The following PCDHGA2 variants were observed in gnomAD, a reference collection of about 807,000 sequenced individuals.
PCDHGA2 encodes the protein protocadherin gamma subfamily A, 2.
A neutral mutation model predicts 59.2 loss-of-function variants in PCDHGA2; 40 were observed. The observed-to-expected ratio is 0.68, with a 90% CI of 0.52 to 0.88. The LOEUF (loss-of-function observed/expected upper bound fraction) is 0.88, where lower values mean the gene tolerates loss of function less well. Among genes scored for constraint, PCDHGA2 ranks in the 40% least tolerant of loss-of-function variants. The pLI, the probability that PCDHGA2 is intolerant of heterozygous loss-of-function variation, is 0.00. For synonymous variants in PCDHGA2, 560 were observed against 526.0 expected, an observed-to-expected ratio of 1.06 and a Z score of -0.89; for missense variants, 1,226 against 1,204.0, an observed-to-expected ratio of 1.02 and a Z score of -0.27.
At chr5:141,365,274 A>G (rs199512708) in intron 1 of PCDHGA2, 679 of 1,613,988 alleles carry the variant, frequency 4.2e-4, no homozygotes, top group Non-Finnish European at 5.0e-4. Context: ...TCCAGATTCT[A>G]CCTCATGGAA....
chr5:141,340,511 C>T lies in PCDHGA2; in HGVS notation c.1540C>T (p.Leu514Phe), dbSNP rs149259592. 2.8e-5 allele frequency: 45 copies of T among 1,614,254 alleles called. No homozygotes were observed. The African/African-American group carries it at 5.2e-4, about 19-fold the overall frequency. The change falls in exon 1 of 4, where the codon CTC (leucine) becomes TTC (phenylalanine). Residue 514 changes from leucine to phenylalanine, a missense_variant. Leu to Phe is a conservative substitution (Grantham distance 22). Transcript: ENST00000394576. The stretch of plus-strand genomic sequence containing the variant: ...CTCTATCAACTCCGACACTGGAGTA[C>T]TCTATGCACTGCGCTCCTTTGATTA... ...YISINSDTGV[L>F]YALRSFDYEQ...
intron 1 of PCDHGA2, chr5:141,414,845 T>C: frequency 1.2e-6 from 2 of 1,614,218 alleles, no homozygotes; most frequent in South Asian, 1.1e-5. Flanking sequence ...CTGTTTGTGC[T>C]GGACCAGAAC....
intron 1 of PCDHGA2, among the ~76,000 whole-genome samples, chr5:141,369,204 G>A (rs970193289): frequency 3.3e-5 from 5 of 152,182 alleles, no homozygotes; most frequent in Non-Finnish European, 7.4e-5. Context: ...ATGGTAAACT[G>A]GGGACCAAGG....
rs1756843083 is a variant in PCDHGA2, at chr5:141,339,488, A to T, written c.517A>T (p.Asn173Tyr). Residue 173 changes from asparagine to tyrosine, a missense_variant, in exon 1 of 4, where the codon AAC (asparagine) becomes TAC (tyrosine). Transcript: ENST00000394576. The stretch of plus-strand genomic sequence containing the variant: ...GAACGCCCTTCAGAAGTACGCACTC[A>T]ACCCAAATGACCACTTCTCCCTGGA... ...GENALQKYAL[N>Y]PNDHFSLDVR... 1 of 1,614,100 alleles carries T rather than the reference A, an allele frequency of 6.2e-7. No individual in the cohort carries two copies. Among genetic ancestry groups the T allele is most frequent in the South Asian group, 1.1e-5 (1 of 91,082 alleles).
chr5:141,489,246 G>A lies in PCDHGA2; in HGVS notation c.2425-5561G>A, dbSNP rs141115698. On this transcript the variant is annotated intron_variant, in intron 1 of 3. Coordinates refer to ENST00000394576, the MANE Select transcript of PCDHGA2 (RefSeq NM_018915.4). The surrounding 1 kb of genome is among the most constrained non-coding windows in gnomAD (Gnocchi z 4.5). Reference sequence around the variant, plus strand: ...CACAAAGGGACTTCTGGGTCATGGGGCCCAAGACACTCCCACAGCTCGCTG... The same window carrying A: ...CACAAAGGGACTTCTGGGTCATGGGACCCAAGACACTCCCACAGCTCGCTG... 750 of 1,544,746 alleles carry A rather than the reference G, an allele frequency of 4.9e-4. No homozygotes were observed. The highest frequency in any genetic ancestry group is 6.3e-4 in the Non-Finnish European group (726 of 1,145,538).
In PCDHGA2 at chr5:141,341,381, G is replaced by A; in HGVS notation, c.2410G>A (p.Glu804Lys). Reference protein sequence around the residue: ...PQSLLEEEREETFSQQAPPNT... With the variant: ...PQSLLEEEREKTFSQQAPPNT... ...ATCTCTACTCGAAGAAGAAAGAGAAGAAACGTTTTCTCAGGTAATCTATCT... is the reference window on the plus strand; with the variant it reads ...ATCTCTACTCGAAGAAGAAAGAGAAAAAACGTTTTCTCAGGTAATCTATCT... The change falls in exon 1 of 4, where the codon GAA becomes AAA. Residue 804 changes from glutamate (E) to lysine (K), a missense_variant. Glu to Lys is a moderately conservative substitution (Grantham distance 56). Transcript: ENST00000394576. 1 of 1,614,234 alleles carries A rather than the reference G, an allele frequency of 6.2e-7. No individual in the cohort carries two copies. The highest frequency in any genetic ancestry group is 8.5e-7 in the Non-Finnish European group (1 of 1,180,040).
At chr5:141,421,060 A>C (rs1394861719) in intron 1 of PCDHGA2, 3 of 579,718 alleles carry the variant, frequency 5.2e-6, no homozygotes, top group Non-Finnish European at 8.8e-6. Context: ...TACCACACAA[A>C]GCGGAATGAG....
At chr5:141,403,172 C>G (rs1230059414) in intron 1 of PCDHGA2, 13 of 1,613,900 alleles carry the variant, frequency 8.1e-6, no homozygotes, top group Non-Finnish European at 1.1e-5. Flanking sequence ...TAGGACGCAG[C>G]TTTTCTCTCT....
intron 1 of PCDHGA2, chr5:141,355,140 G>A (rs1011751215): frequency 1.3e-5 from 20 of 1,525,342 alleles, no homozygotes; most frequent in Non-Finnish European, 3.5e-6. Context: ...AAGATCCTGG[G>A]GCTCCTCAGG....
intron 1 of PCDHGA2, chr5:141,357,065 A>G: frequency 6.2e-7 from 1 of 1,613,964 alleles, no homozygotes; most frequent in Non-Finnish European, 8.5e-7. Flanking sequence ...GTGGGGCTGC[A>G]CACAGGCGAG....
chr5:141,348,629 A>G (rs1216575323), intron 1 of PCDHGA2, among the ~76,000 whole-genome samples: 1 of 152,230 alleles, frequency 6.6e-6, no homozygotes, highest in Non-Finnish European at 1.5e-5. Context: ...CTACTTGTAC[A>G]GGTAATGGAA....
At chr5:141,410,041 G>A (rs763879404) in intron 1 of PCDHGA2, 2 of 1,613,228 alleles carry the variant, frequency 1.2e-6, no homozygotes, top group East Asian at 2.2e-5. Flanking sequence ...AGGCCAGTGA[G>A]CCCGGACTCT....
chr5:141,494,468 C>G (rs2099754577), intron 1 of PCDHGA2, among the ~76,000 whole-genome samples: 1 of 152,136 alleles, frequency 6.6e-6, no homozygotes, highest in East Asian at 1.9e-4. Context: ...TGCACCTCTT[C>G]CCCCAGTTCC....
At position 141,476,851 on chromosome 5, in the gene PCDHGA2, C is replaced by T; in HGVS notation, c.2425-17956C>T. ...CGAATGACAATGCGCCTGTCTTCAA[C>T]CAGTCCTTGTACCGGGCGCGCGTCC... On this transcript the variant is annotated intron_variant, in intron 1 of 3. Transcript: ENST00000394576. This position sits in a 1 kb window ranked among gnomAD's most constrained non-coding sequence, Gnocchi z 7.6. The T allele has an allele frequency of 6.2e-7, 1 of 1,613,836 alleles. No individual in the cohort carries two copies. Among genetic ancestry groups the T allele is most frequent in the Non-Finnish European group, 8.5e-7 (1 of 1,180,046 alleles).
intron 1 of PCDHGA2, chr5:141,409,995 C>T: frequency 1.2e-6 from 2 of 1,613,308 alleles, no homozygotes; most frequent in Non-Finnish European, 1.7e-6. Context: ...GACGCCGACT[C>T]GGGACACAAC....
chr5:141,344,537 G>A (rs541708847), intron 1 of PCDHGA2: 1 of 1,614,024 alleles, frequency 6.2e-7, no homozygotes, highest in African/African-American at 1.3e-5. Flanking sequence ...ACTCCCTGCA[G>A]AACTACAAGC....
intron 1 of PCDHGA2, chr5:141,419,499 G>A: frequency 6.2e-7 from 1 of 1,612,368 alleles, no homozygotes; most frequent in Non-Finnish European, 8.5e-7. Context: ...GCCAATGTGA[G>A]CCTGCGCGTG....
At chr5:141,503,598 C>CAAA (rs765754054) in intron 2 of PCDHGA2, among the ~76,000 whole-genome samples, 1 of 65,748 alleles carries the variant, frequency 1.5e-5, no homozygotes. Context: ...GACTCCAGCT[C>CAAA]AAAAAAAAAA....
intron 1 of PCDHGA2, among the ~76,000 whole-genome samples, chr5:141,470,888 T>C (rs2099243463): frequency 6.6e-6 from 1 of 151,912 alleles, no homozygotes; most frequent in Non-Finnish European, 1.5e-5. Context: ...GTTTTTGTTT[T>C]TGTTTTTTGT....
Sources: allele counts gnomAD v4.1 joint callset (sites outside exome capture counted in the v4.1 genomes callset), GRCh38; gene constraint gnomAD v4.1.1; non-coding constraint Gnocchi (gnomAD v3.1); transcripts MANE v1.5; gene names NCBI Gene and HGNC (gene_info 2026-07-23, HGNC 2026-07-21).